Variants in PATL2 observed in about 807,000 individuals in gnomAD.
The protein encoded by PATL2 is PAT1 homolog 2.
Under a neutral mutation model 77.0 loss-of-function variants are expected in PATL2, and 73 were observed. The observed-to-expected ratio is 0.95, with a 90% CI of 0.78 to 1.15. The LOEUF is 1.15. Ranked by LOEUF, PATL2 falls within the 50% of genes most tolerant of loss-of-function variation. PATL2 has a pLI of 0.00. For synonymous variants in PATL2, 265 were observed against 257.1 expected, an observed-to-expected ratio of 1.03 and a Z score of -0.29; for missense variants, 618 against 655.4, an observed-to-expected ratio of 0.94 and a Z score of 0.62.
intron 3 of PATL2, among the ~76,000 whole-genome samples, chr15:44,694,161 C>T (rs570258713): frequency 1.3e-5 from 2 of 152,308 alleles, no homozygotes; most frequent in Non-Finnish European, 2.9e-5. Flanking sequence ...GAGTTATGTA[C>T]TGACTGAGCC....
rs1222330648 is a variant in PATL2 at position 44,668,427 on chromosome 15, T to C, written c.1280A>G (p.His427Arg). 1.3e-6 allele frequency: 2 copies of C among 1,551,412 alleles called. No homozygotes were observed. The highest frequency in any genetic ancestry group is 3.9e-5 in the Admixed American group (2 of 50,996). The change falls in exon 15 of 18, where the codon CAC becomes CGC. Residue 427 changes from histidine (H) to arginine (R), a missense_variant. By Grantham distance (29) the His-to-Arg change is conservative. Coordinates refer to ENST00000682850, the MANE Select transcript of PATL2 (RefSeq NM_001387263.1). ...LGKCISHLTL[H>R]ELLQGLQGLT... ...TCCCTGAAGTCCTTGGAGGAGTTCGTGGAGGGTCAAGTGACTAATACATTT... is the reference window on the plus strand; with the variant it reads ...TCCCTGAAGTCCTTGGAGGAGTTCGCGGAGGGTCAAGTGACTAATACATTT...
intron 17 of PATL2, 72 bp from the exon 18 acceptor site, chr15:44,666,043 C>G: frequency 7.5e-7 from 1 of 1,331,692 alleles, no homozygotes; most frequent in Non-Finnish European, 1.0e-6. Flanking sequence ...TAATTAGTAT[C>G]TGACTCTTTC....
At position 44,711,048 on chromosome 15, in the gene PATL2, T is replaced by C; in HGVS notation, c.-282A>G. ...GAGAATGGAGAAACCCTGCAGGGAA[T>C]TCCCAAGCTGTAGTTATAAACAGAA... is the stretch of plus-strand genomic sequence containing the variant. On this transcript the variant is annotated 5_prime_UTR_variant, in exon 1 of 18. Transcript: ENST00000682850. 1 of 242,698 alleles carries C rather than the reference T, an allele frequency of 4.1e-6. No individual in the cohort carries two copies. 15.0% of individuals were successfully genotyped at this position (242,698 alleles called of 1,614,324 possible).
At chr15:44,675,859 A>G (rs1298531483) in intron 4 of PATL2, 168 bp from the exon 5 acceptor site, 1 of 623,560 alleles carries the variant, frequency 1.6e-6, no homozygotes, top group South Asian at 2.1e-5. Flanking sequence ...CCTTCTCCCA[A>G]GGTGCCCCGA....
intron 3 of PATL2, among the ~76,000 whole-genome samples, chr15:44,709,333 A>T (rs1456716686): frequency 6.6e-6 from 1 of 152,180 alleles, no homozygotes; most frequent in Non-Finnish European, 1.5e-5. Context: ...TATAGGGGAA[A>T]AAAAGGCCGC....
At chr15:44,697,021 T>C (rs1001504582) in intron 3 of PATL2, among the ~76,000 whole-genome samples, 2 of 152,158 alleles carry the variant, frequency 1.3e-5, no homozygotes, top group Non-Finnish European at 2.9e-5. Flanking sequence ...CAAAACAGAT[T>C]TAACCAAGAG....
intron 3 of PATL2, chr15:44,697,415 T>C (rs935538215): frequency 4.6e-5 from 7 of 152,352 alleles, no homozygotes; most frequent in African/African-American, 1.7e-4. Flanking sequence ...TAAACACCAC[T>C]GTACTTGAAC....
At chr15:44,707,507 G>T (rs1274887824) in intron 3 of PATL2, among the ~76,000 whole-genome samples, 1 of 152,202 alleles carries the variant, frequency 6.6e-6, no homozygotes, top group Non-Finnish European at 1.5e-5. Flanking sequence ...GGCCCAGGGT[G>T]TGGCTAGAAA....
intron 5 of PATL2, 102 bp from the exon 6 acceptor site, chr15:44,674,332 G>T: frequency 2.2e-6 from 2 of 890,724 alleles, no homozygotes; most frequent in Non-Finnish European, 3.4e-6. Flanking sequence ...GCAAGACCAG[G>T]TGTTCCAACA....
intron 3 of PATL2, among the ~76,000 whole-genome samples, chr15:44,703,878 C>T (rs867287043): frequency 6.6e-6 from 1 of 151,192 alleles, no homozygotes; most frequent in African/African-American, 2.4e-5. Context: ...GTTTTGTGGT[C>T]CTCTGTTCCT....
chr15:44,688,465 C>T (rs963143580), intron 3 of PATL2, among the ~76,000 whole-genome samples: 2 of 152,054 alleles, frequency 1.3e-5, no homozygotes, highest in African/African-American at 2.4e-5. Context: ...AACTATACTA[C>T]AAGGCTACAG....
chr15:44,684,908 A>T (rs1225017465), intron 3 of PATL2, among the ~76,000 whole-genome samples: 3 of 152,224 alleles, frequency 2.0e-5, no homozygotes, highest in African/African-American at 7.2e-5. Flanking sequence ...CTCTGCAGAA[A>T]CCCTACAATC....
At chr15:44,698,624 C>T (rs2086563195) in intron 3 of PATL2, among the ~76,000 whole-genome samples, 1 of 152,334 alleles carries the variant, frequency 6.6e-6, no homozygotes, top group African/African-American at 2.4e-5. Flanking sequence ...ATGTGTACCA[C>T]ATTTTCTTCA....
chr15:44,702,200 C>T (rs1052057930), intron 3 of PATL2, among the ~76,000 whole-genome samples: 1 of 152,122 alleles, frequency 6.6e-6, no homozygotes, highest in Non-Finnish European at 1.5e-5. Context: ...TGGATTTCTT[C>T]AAGGTTCGAT....
intron 5 of PATL2, 74 bp from the exon 6 acceptor site, chr15:44,674,304 AGGT>A (rs1207958621): frequency 8.7e-7 from 1 of 1,153,262 alleles, no homozygotes; most frequent in East Asian, 2.7e-5. Flanking sequence ...TGTGTTTTTG[AGGT>A]GGTGGGAGGA....
At chr15:44,689,015 G>GA (rs1310698139) in intron 3 of PATL2, among the ~76,000 whole-genome samples, 2 of 151,974 alleles carry the variant, frequency 1.3e-5, no homozygotes, top group African/African-American at 4.8e-5. Flanking sequence ...AAATGTACAA[G>GA]AAAAAAGCAA....
At chr15:44,685,283 A>G (rs1595978989) in intron 3 of PATL2, among the ~76,000 whole-genome samples, 1 of 152,216 alleles carries the variant, frequency 6.6e-6, no homozygotes, top group Non-Finnish European at 1.5e-5. Flanking sequence ...AAATGCCCCA[A>G]TTAAAAGACA....
chr15:44,673,110 T>TA, intron 7 of PATL2, 125 bp downstream of exon 7: 2 of 1,265,978 alleles, frequency 1.6e-6, no homozygotes, highest in African/African-American at 3.0e-5. Flanking sequence ...GAGACGGAAT[T>TA]AGACTATACC....
At chr15:44,686,091 T>C (rs1294533256) in intron 3 of PATL2, among the ~76,000 whole-genome samples, 1 of 152,146 alleles carries the variant, frequency 6.6e-6, no homozygotes, top group Non-Finnish European at 1.5e-5. Context: ...CCACCCCAAA[T>C]CAACAGCATA....
Sources: gnomAD v4.1 joint callset for allele counts (sites outside exome capture counted in the v4.1 genomes callset) on GRCh38, gnomAD v4.1.1 for gene constraint, MANE v1.5 for transcripts, NCBI Gene and HGNC (gene_info 2026-07-23, HGNC 2026-07-21) for gene names.